Variants in WDR48 observed in about 807,000 individuals in gnomAD.
WDR48 encodes WD repeat-containing protein 48.
A neutral mutation model predicts 94.0 loss-of-function variants in WDR48; 22 were observed. The observed-to-expected ratio is 0.23, with a 90% CI of 0.17 to 0.33. The LOEUF (loss-of-function observed/expected upper bound fraction) is 0.33. WDR48 is among the 10% of genes least tolerant of loss of function. The pLI is 1.00. For missense variants in WDR48, 541 were observed against 813.8 expected, an observed-to-expected ratio of 0.66 and a Z score of 4.08; for synonymous variants, 278 against 280.5, an observed-to-expected ratio of 0.99 and a Z score of 0.09.
intron 1 of WDR48, among the ~76,000 whole-genome samples, chr3:39,061,293 C>G (rs527983154): frequency 6.6e-6 from 1 of 150,920 alleles, no homozygotes; most frequent in East Asian, 2.0e-4. Context: ...TGTTCCCTGC[C>G]CTGTGTCCAT....
At chr3:39,076,234 G>A (rs1053507242) in intron 8 of WDR48, among the ~76,000 whole-genome samples, 6 of 152,156 alleles carry the variant, frequency 3.9e-5, no homozygotes, top group Non-Finnish European at 5.9e-5. Context: ...GGCCAAGTAC[G>A]GTTCTTTAAA....
chr3:39,069,214 A>G (rs990548882), intron 6 of WDR48, among the ~76,000 whole-genome samples: 6 of 152,292 alleles, frequency 3.9e-5, no homozygotes, highest in Middle Eastern at 3.4e-3. Context: ...AGTGCAAGCA[A>G]TTCACCTGCC....
intron 18 of WDR48, 146 bp from the exon 19 acceptor site, chr3:39,094,502 C>T: frequency 6.5e-7 from 1 of 1,536,682 alleles, no homozygotes; most frequent in Non-Finnish European, 8.7e-7. Context: ...TTCCCGCATG[C>T]ATGGAAGCCG....
Position 39,059,752 on chromosome 3 carries a change from A to T in WDR48, c.49-3298A>T, listed in dbSNP as rs77344391. On this transcript the variant is annotated intron_variant, in intron 1 of 18. Coordinates refer to ENST00000302313, the MANE Select transcript of WDR48 (RefSeq NM_020839.4). Reference sequence around the variant, plus strand: ...ATTTCTGGAAATTGAATTTTAAAGAACATTTCAAAGAGTTTAAAACTTTTG... The same window carrying T: ...ATTTCTGGAAATTGAATTTTAAAGATCATTTCAAAGAGTTTAAAACTTTTG... 3.8e-3 allele frequency among the ~76,000 whole-genome samples: 577 copies of T among 152,354 alleles called. 5 individuals carry two copies. The highest frequency in any genetic ancestry group is 0.013 in the African/African-American group (550 of 41,588).
chr3:39,072,756 C>T (rs1402792154), intron 7 of WDR48, among the ~76,000 whole-genome samples: 1 of 152,154 alleles, frequency 6.6e-6, no homozygotes, highest in African/African-American at 2.4e-5. Flanking sequence ...TTGATGACTC[C>T]TCCAGCTCCT....
chr3:39,077,152 G>C lies in WDR48; in HGVS notation c.911G>C (p.Arg304Thr). 6.2e-7 allele frequency: 1 copy of C among 1,614,148 alleles called. No homozygotes were observed. Among genetic ancestry groups the C allele is most frequent in the Non-Finnish European group, 8.5e-7 (1 of 1,180,020 alleles). ...CTTTGTTTTCAGATGGAGCTTGATA[G>C]ATCAGCTGATCCTCCTCCTGCAATT... ...KAPVLKMELD[R>T]SADPPPAIWV... is the part of the protein sequence containing the mutation. Residue 304 changes from arginine (R) to threonine (T), a missense_variant, in exon 9 of 19, where the codon AGA (arginine) becomes ACA (threonine). Arg to Thr is a moderately conservative substitution (Grantham distance 71, BLOSUM62 -1). Transcript: ENST00000302313.
chr3:39,060,733 C>T (rs946625164), intron 1 of WDR48, among the ~76,000 whole-genome samples: 10 of 152,150 alleles, frequency 6.6e-5, no homozygotes, highest in African/African-American at 2.4e-4. Context: ...AATCCCAGCA[C>T]TTTGGGAGGC....
intron 7 of WDR48, among the ~76,000 whole-genome samples, chr3:39,072,435 A>G (rs776627362): frequency 5.9e-5 from 9 of 152,306 alleles, no homozygotes; most frequent in Non-Finnish European, 1.0e-4. Flanking sequence ...TCAGAGCATC[A>G]GGCCACTTAT....
intron 10 of WDR48, among the ~76,000 whole-genome samples, 154 bp downstream of exon 10, chr3:39,078,393 T>C (rs1287397641): frequency 1.3e-5 from 2 of 152,082 alleles, no homozygotes; most frequent in African/African-American, 4.8e-5. Context: ...GAAAAGGTTT[T>C]TTTTTGTTTG....
At chr3:39,082,910 AC>A (rs1347123960) in intron 11 of WDR48, among the ~76,000 whole-genome samples, 1 of 152,186 alleles carries the variant, frequency 6.6e-6, no homozygotes, top group Non-Finnish European at 1.5e-5. Flanking sequence ...ACATATGTAG[AC>A]TGAGAAGAAA....
rs185612318 is a variant in WDR48 at position 39,063,331 on chromosome 3, A to G, written c.189+141A>G. On this transcript the variant is annotated intron_variant, in intron 2 of 18. Coordinates refer to ENST00000302313, the MANE Select transcript of WDR48 (RefSeq NM_020839.4). ...TACACTCTATAAAGACATCGCAACC[A>G]GAATTCTGTAAGCCTCTGAGAAAAA... is the stretch of plus-strand genomic sequence containing the variant. 75 of 1,098,730 alleles carry G rather than the reference A, an allele frequency of 6.8e-5. No individual in the cohort carries two copies. In the East Asian group the frequency reaches 1.8e-3, roughly 26 times the overall value. 68.1% of individuals were successfully genotyped at this position (1,098,730 alleles called of 1,614,324 possible). A position where few individuals can be genotyped will look rare whatever the true frequency, so the allele number is the denominator to read the frequency against.
At chr3:39,060,421 T>TATATATATATATATGC (rs1553656025) in intron 1 of WDR48, among the ~76,000 whole-genome samples, 4 of 63,764 alleles carry the variant, frequency 6.3e-5, no homozygotes, top group Non-Finnish European at 1.1e-4. Flanking sequence ...TGTGTGTGCA[T>TATATATATATATATGC]ATATATATAT....
intron 13 of WDR48, 57 bp downstream of exon 13, chr3:39,084,798 G>A: frequency 7.0e-7 from 1 of 1,438,294 alleles, no homozygotes. Flanking sequence ...ATGAATATGA[G>A]CTGTTTTTTG....
chr3:39,085,491 T>C, intron 13 of WDR48, 24 bp from the exon 14 acceptor site: 1 of 1,579,954 alleles, frequency 6.3e-7, no homozygotes, highest in Non-Finnish European at 8.7e-7. Flanking sequence ...CCATTTTATC[T>C]CTTTTTAATT....
intron 2 of WDR48, among the ~76,000 whole-genome samples, chr3:39,064,767 C>T (rs537186218): frequency 2.6e-4 from 39 of 152,280 alleles, no homozygotes; most frequent in African/African-American, 8.4e-4. Context: ...CTACTTTATG[C>T]GCCTATAACT....
intron 1 of WDR48, among the ~76,000 whole-genome samples, chr3:39,053,367 C>T (rs2032613917): frequency 1.3e-5 from 2 of 152,178 alleles, no homozygotes; most frequent in Non-Finnish European, 2.9e-5. Context: ...GATTAGTTCA[C>T]ATCTTGGTTT....
rs374571000 is a variant in WDR48 at position 39,084,653 on chromosome 3, T to C, written c.1290T>C (p.Thr430=). 3.7e-5 allele frequency: 60 copies of C among 1,613,702 alleles called. No homozygotes were observed. Among genetic ancestry groups the C allele is most frequent in the Middle Eastern group, 1.6e-4 (1 of 6,082 alleles). The change falls in exon 13 of 19, where the codon ACT becomes ACC. Residue 430 remains threonine (T), a synonymous_variant. Coordinates refer to ENST00000302313, the MANE Select transcript of WDR48 (RefSeq NM_020839.4). ...FSVDLKTGML[T]ITLDESDCFA... is the part of the protein sequence containing the mutation. ...GTTTTTTCTTTTGATAGATGTTAAC[T>C]ATTACTTTGGATGAAAGTGATTGTT... is the stretch of plus-strand genomic sequence containing the variant.
chr3:39,094,764 G>T lies in WDR48; in HGVS notation c.*21G>T, dbSNP rs1416064558. On this transcript the variant is annotated 3_prime_UTR_variant, in exon 19 of 19. Transcript: ENST00000302313. ...CGTGAAGGCTGGGCTAATGCTCCTGGATATTCATTTACGACCTTCCTCTAT... is the reference window on the plus strand; with the variant it reads ...CGTGAAGGCTGGGCTAATGCTCCTGTATATTCATTTACGACCTTCCTCTAT... The T allele has an allele frequency of 1.9e-6, 3 of 1,613,544 alleles. No homozygotes were observed. Among genetic ancestry groups the T allele is most frequent in the Non-Finnish European group, 2.5e-6 (3 of 1,179,870 alleles).
At position 39,094,896 on chromosome 3, in the gene WDR48, G is replaced by A. The variant is rs2035266404; in HGVS notation, c.*153G>A. On this transcript the variant is annotated 3_prime_UTR_variant, in exon 19 of 19. Transcript: ENST00000302313. ...TATCTTTCAATTGAAGTGACTAATC[G>A]AGATGTAATATAGAAACCAGTCTCC... The A allele has an allele frequency of 3.0e-6, 3 of 1,008,506 alleles. No individual in the cohort carries two copies. Among genetic ancestry groups the A allele is most frequent in the Admixed American group, 2.6e-5 (1 of 39,052 alleles). 62.5% of individuals were successfully genotyped at this position (1,008,506 alleles called of 1,614,324 possible).
Sources: allele counts gnomAD v4.1 joint callset (sites outside exome capture counted in the v4.1 genomes callset), GRCh38; gene constraint gnomAD v4.1.1; transcripts MANE v1.5; gene names NCBI Gene and HGNC (gene_info 2026-07-23, HGNC 2026-07-21).